Variants in SLC14A2 observed in about 807,000 individuals in gnomAD.
SLC14A2 encodes the protein urea transporter 2.
A neutral mutation model predicts 104.6 loss-of-function variants in SLC14A2; 91 were observed. The ratio of observed to expected loss-of-function variants is 0.87; its 90% confidence interval spans 0.73 to 1.04. The LOEUF is 1.04. Ranked by LOEUF, SLC14A2 falls within the 50% of genes least tolerant of loss-of-function variation. The pLI, the probability that SLC14A2 is intolerant of heterozygous loss-of-function variation, is 0.00. For synonymous variants in SLC14A2, 476 were observed against 466.4 expected, an observed-to-expected ratio of 1.02 and a Z score of -0.27; for missense variants, 1,189 against 1,156.0, an observed-to-expected ratio of 1.03 and a Z score of -0.41.
At chr18:45,391,647 G>A (rs2085967531) in intron 1 of SLC14A2, among the ~76,000 whole-genome samples, 1 of 152,134 alleles carries the variant, frequency 6.6e-6, no homozygotes, top group South Asian at 2.1e-4. Context: ...ATCTCATTGT[G>A]GTTTTGATTT....
intron 1 of SLC14A2, among the ~76,000 whole-genome samples, chr18:45,420,645 G>A (rs2086334252): frequency 6.6e-6 from 1 of 152,176 alleles, no homozygotes; most frequent in Non-Finnish European, 1.5e-5. Context: ...GTTGATAATA[G>A]GAAAGGATGG....
At chr18:45,348,835 C>A (rs894749442) in intron 1 of SLC14A2, among the ~76,000 whole-genome samples, 1 of 152,208 alleles carries the variant, frequency 6.6e-6, no homozygotes, top group East Asian at 1.9e-4. Flanking sequence ...CAAGCTCAAG[C>A]ATCTGTTTCC....
Position 45,667,074 on chromosome 18 carries a change from A to C in SLC14A2, c.1697A>C (p.Glu566Ala). The C allele has an allele frequency of 6.2e-7, 1 of 1,613,838 alleles. No individual in the cohort carries two copies. The highest frequency in any genetic ancestry group is 1.1e-5 in the South Asian group (1 of 91,046). The change falls in exon 13 of 20, where the codon GAG (glutamate) becomes GCG (alanine). Residue 566 changes from glutamate to alanine, a missense_variant. Transcript: ENST00000255226. ...AGCTACATCACAGGAGAGATGAAGG[A>C]GTGTGGAGAGGGACTTAAAGGTAAA... ...ALSYITGEMKECGEGLKDKSP... is the reference protein window; with the variant it reads ...ALSYITGEMKACGEGLKDKSP...
At chr18:45,237,518 C>T (rs1383251633) in intron 1 of SLC14A2, among the ~76,000 whole-genome samples, 2 of 152,224 alleles carry the variant, frequency 1.3e-5, no homozygotes, top group Non-Finnish European at 2.9e-5. Flanking sequence ...TTTAACTACG[C>T]TCCCCATTCT....
chr18:45,607,464 G>A (rs772460966), intron 2 of SLC14A2, among the ~76,000 whole-genome samples: 1 of 152,078 alleles, frequency 6.6e-6, no homozygotes, highest in Non-Finnish European at 1.5e-5. Flanking sequence ...CACATAGTTG[G>A]TACTCAGCAA....
intron 1 of SLC14A2, among the ~76,000 whole-genome samples, chr18:45,298,028 G>C (rs1568140825): frequency 6.6e-6 from 1 of 152,108 alleles, no homozygotes; most frequent in Non-Finnish European, 1.5e-5. Context: ...AAAAGTAAAT[G>C]GAACAATCCT....
At chr18:45,642,180 C>T (rs2045539456) in intron 8 of SLC14A2, among the ~76,000 whole-genome samples, 1 of 152,196 alleles carries the variant, frequency 6.6e-6, no homozygotes, top group South Asian at 2.1e-4. Context: ...AAACTAGAGT[C>T]AAGGAAACAG....
intron 1 of SLC14A2, among the ~76,000 whole-genome samples, chr18:45,383,425 G>T (rs966689637): frequency 2.6e-5 from 4 of 152,136 alleles, no homozygotes; most frequent in African/African-American, 9.7e-5. Context: ...GAGTTTAGAT[G>T]GTCTTAGAGA....
chr18:45,304,022 A>G (rs749123507), intron 1 of SLC14A2, among the ~76,000 whole-genome samples: 6 of 152,210 alleles, frequency 3.9e-5, no homozygotes, highest in Non-Finnish European at 5.9e-5. Context: ...GATGACTCAG[A>G]GCTTACAATA....
At position 45,558,650 on chromosome 18, in the gene SLC14A2, T is replaced by TA. The variant is rs11443239; in HGVS notation, c.-34-65981_-34-65980insA. 3.3e-5 allele frequency among the ~76,000 whole-genome samples: 5 copies of TA among 152,084 alleles called. 1 individual carries two copies. In the South Asian group the frequency reaches 1.0e-3, roughly 32 times the overall value. On this transcript the variant is annotated intron_variant, in intron 2 of 20. Transcript: ENST00000586448. ...TATGGAAGTGTGAGCCAAAGTCAGG[T>TA]TGGGTCACCTGTTAGTGCTTGCACC... is the stretch of plus-strand genomic sequence containing the variant.
intron 1 of SLC14A2, among the ~76,000 whole-genome samples, chr18:45,432,999 C>T (rs887994048): frequency 6.6e-6 from 1 of 152,162 alleles, no homozygotes; most frequent in Non-Finnish European, 1.5e-5. Context: ...TCTACTCTTT[C>T]TGTCCTCCTC....
intron 10 of SLC14A2, among the ~76,000 whole-genome samples, chr18:45,645,622 T>TATACATATATATATAC (rs370081713): frequency 1.5e-5 from 2 of 134,862 alleles, no homozygotes; most frequent in East Asian, 4.2e-4. Context: ...AATATATATA[T>TATACATATATATATAC]ACATATACAA....
At chr18:45,345,974 T>G (rs1196275026) in intron 1 of SLC14A2, among the ~76,000 whole-genome samples, 1 of 152,236 alleles carries the variant, frequency 6.6e-6, no homozygotes, top group Non-Finnish European at 1.5e-5. Context: ...TGTCAACACT[T>G]GGAATTGTCA....
chr18:45,228,226 G>A (rs1452883289), intron 1 of SLC14A2, among the ~76,000 whole-genome samples: 1 of 152,132 alleles, frequency 6.6e-6, no homozygotes, highest in Non-Finnish European at 1.5e-5. Flanking sequence ...AAAACAAGGA[G>A]GAAATATTTA....
rs1007717981 is a variant in SLC14A2 at position 45,600,051 on chromosome 18, C to A, written c.-34-24580C>A. 8.1e-4 allele frequency among the ~76,000 whole-genome samples: 123 copies of A among 152,238 alleles called. 1 individual carries two copies. Among genetic ancestry groups the A allele is most frequent in the African/African-American group, 2.9e-3 (119 of 41,536 alleles). Reference sequence around the variant, plus strand: ...GAGCCCTTCTCAGGTACTTGCTCATCTGATCCCCACAACAGCCCATGAGGT... The same window carrying A: ...GAGCCCTTCTCAGGTACTTGCTCATATGATCCCCACAACAGCCCATGAGGT... On this transcript the variant is annotated intron_variant, in intron 2 of 20. Transcript: ENST00000586448.
intron 1 of SLC14A2, among the ~76,000 whole-genome samples, chr18:45,322,765 A>G (rs915667829): frequency 6.6e-6 from 1 of 152,170 alleles, no homozygotes; most frequent in Non-Finnish European, 1.5e-5. Flanking sequence ...ACAGCAATCT[A>G]TTTGCAGAGT....
intron 10 of SLC14A2, among the ~76,000 whole-genome samples, chr18:45,659,611 T>C (rs1176000592): frequency 6.6e-6 from 1 of 152,216 alleles, no homozygotes; most frequent in Non-Finnish European, 1.5e-5. Flanking sequence ...TCTATAAACT[T>C]CCACTCTTTT....
At chr18:45,255,397 G>C (rs973817300) in intron 1 of SLC14A2, among the ~76,000 whole-genome samples, 2 of 152,126 alleles carry the variant, frequency 1.3e-5, no homozygotes, top group African/African-American at 4.8e-5. Flanking sequence ...ATGGTCTTTT[G>C]TGGCCAAAAA....
intron 1 of SLC14A2, among the ~76,000 whole-genome samples, chr18:45,393,451 G>C (rs934393418): frequency 1.3e-5 from 2 of 152,164 alleles, no homozygotes; most frequent in Non-Finnish European, 2.9e-5. Context: ...TGACACCTCA[G>C]TTGCTTCAAT....
Sources: gnomAD v4.1 joint callset for allele counts (sites outside exome capture counted in the v4.1 genomes callset) on GRCh38, gnomAD v4.1.1 for gene constraint, MANE v1.5 for transcripts, NCBI Gene and HGNC (gene_info 2026-07-23, HGNC 2026-07-21) for gene names.